SMG6: variants seen among roughly 807,000 people sequenced by gnomAD.
SMG6 encodes telomerase-binding protein EST1A.
Under a neutral mutation model 142.2 loss-of-function variants are expected in SMG6, and 66 were observed. The observed-to-expected ratio is 0.46, with a 90% CI of 0.38 to 0.57. The LOEUF (loss-of-function observed/expected upper bound fraction) is 0.57. Ranked by LOEUF, SMG6 falls within the 20% of genes least tolerant of loss-of-function variation. The pLI is 0.00. For missense variants in SMG6, 1,793 were observed against 1,832.0 expected (o/e 0.98, Z 0.39); for synonymous variants, 779 against 702.4 (o/e 1.11, Z -1.72).
At chr17:2,112,794 G>A (rs1373891867) in intron 13 of SMG6, among the ~76,000 whole-genome samples, 8 of 118,164 alleles carry the variant, frequency 6.8e-5, no homozygotes, top group African/African-American at 2.0e-4. Flanking sequence ...CTCTCACTCC[G>A]CCACCCAGGC....
chr17:2,251,520 T>C (rs968166455), intron 8 of SMG6, among the ~76,000 whole-genome samples: 5 of 152,210 alleles, frequency 3.3e-5, no homozygotes, highest in African/African-American at 7.2e-5. Context: ...TTAAGATGGC[T>C]AGATCTGAGA....
At position 2,065,622 on chromosome 17, in the gene SMG6, C is replaced by T; in HGVS notation, c.3893G>A (p.Gly1298Asp). The change falls in exon 17 of 19, where the codon GGC (glycine) becomes GAC (aspartate). Residue 1298 changes from glycine to aspartate, a missense_variant. Physicochemically the swap from Gly to Asp is moderately conservative, Grantham distance 94. Coordinates refer to ENST00000263073, the MANE Select transcript of SMG6 (RefSeq NM_017575.5). Reference sequence around the variant, plus strand: ...CTTCTCTTGTACCACACGGGCGTAGCCCCCAGCCCGGTGGTCTGTCTCCTG... The same window carrying T: ...CTTCTCTTGTACCACACGGGCGTAGTCCCCAGCCCGGTGGTCTGTCTCCTG... ...KGQETDHRAG[G>D]YARVVQEKAR... The T allele has an allele frequency of 1.9e-6, 3 of 1,613,976 alleles. No individual in the cohort carries two copies. Among genetic ancestry groups the T allele is most frequent in the Non-Finnish European group, 2.5e-6 (3 of 1,180,028 alleles).
At chr17:2,061,686 C>T in intron 18 of SMG6, 64 bp from the exon 19 acceptor site, 2 of 1,523,876 alleles carry the variant, frequency 1.3e-6, no homozygotes, top group Non-Finnish European at 1.8e-6. Context: ...GGCTGCTCTT[C>T]TCACCCTGGA....
intron 1 of SMG6, among the ~76,000 whole-genome samples, chr17:2,301,062 C>T (rs897946149): frequency 4.6e-5 from 7 of 152,186 alleles, no homozygotes. Flanking sequence ...CCTGTGAATC[C>T]ACCTCAGCCT....
chr17:2,192,362 T>C (rs2072190558), intron 10 of SMG6, among the ~76,000 whole-genome samples: 1 of 152,176 alleles, frequency 6.6e-6, no homozygotes, highest in East Asian at 1.9e-4. Context: ...ACACAGCCAG[T>C]TTCCTGGCAA....
chr17:2,279,911 T>C (rs551453204), intron 8 of SMG6, among the ~76,000 whole-genome samples: 1 of 152,258 alleles, frequency 6.6e-6, no homozygotes, highest in South Asian at 2.1e-4. Flanking sequence ...CAGCCTTCCC[T>C]AACCATGACT....
Position 2,297,951 on chromosome 17 carries a change from A to C in SMG6, c.1952T>G (p.Val651Gly), listed in dbSNP as rs762162389. Residue 651 changes from valine (V) to glycine (G), a missense_variant, in exon 3 of 19, where the codon GTG becomes GGG. Transcript: ENST00000263073. Reference protein sequence around the residue: ...QILWKNAFYQVIEKFRQLVKD... With the variant: ...QILWKNAFYQGIEKFRQLVKD... ...GACAAGTTGCCTGAACTTCTCAATC[A>C]CCTGATAGAAAGCATTCTTCCACAG... is the stretch of plus-strand genomic sequence containing the variant. 209 of 1,613,294 alleles carry C rather than the reference A, an allele frequency of 1.3e-4. No homozygotes were observed. Among genetic ancestry groups the C allele is most frequent in the Non-Finnish European group, 1.7e-4 (200 of 1,180,014 alleles).
Position 2,218,541 on chromosome 17 carries a change from G to A in SMG6, c.2869+17951C>T, listed in dbSNP as rs114249711. 8.7e-3 allele frequency among the ~76,000 whole-genome samples: 1,327 copies of A among 152,056 alleles called. 17 individuals carry two copies. The highest frequency in any genetic ancestry group is 0.03 in the African/African-American group (1,238 of 41,480). On this transcript the variant is annotated intron_variant, in intron 10 of 18. Coordinates refer to ENST00000263073, the MANE Select transcript of SMG6 (RefSeq NM_017575.5). Reference sequence around the variant, plus strand: ...AGCCTGAGCGACAGACCGAGACTCCGTCTCAAAAAAAAAGATAACCAAATA... The same window carrying A: ...AGCCTGAGCGACAGACCGAGACTCCATCTCAAAAAAAAAGATAACCAAATA...
At position 2,091,871 on chromosome 17, in the gene SMG6, A is replaced by G. The variant is rs370380005; in HGVS notation, c.3358-5970T>C. Reference sequence around the variant, plus strand: ...GTGTGTGTGTTTTTTTTTAGTAGAGACGAGGTTTCACCGTGTTAGCCAGGA... The same window carrying G: ...GTGTGTGTGTTTTTTTTTAGTAGAGGCGAGGTTTCACCGTGTTAGCCAGGA... On this transcript the variant is annotated intron_variant, in intron 13 of 18. Transcript: ENST00000263073. Among the ~76,000 whole-genome samples, 14 of 149,884 alleles carry G rather than the reference A, an allele frequency of 9.3e-5. No individual in the cohort carries two copies. The East Asian group carries it at 1.6e-3, about 17-fold the overall frequency.
chr17:2,237,653 G>T (rs2073701551), intron 9 of SMG6: 1 of 758,676 alleles, frequency 1.3e-6, no homozygotes, highest in Admixed American at 6.2e-5. Flanking sequence ...TGTAACGCAG[G>T]GAGGCAGAAA....
chr17:2,080,674 A>G (rs1294143547), intron 15 of SMG6, among the ~76,000 whole-genome samples: 1 of 149,460 alleles, frequency 6.7e-6, no homozygotes, highest in Non-Finnish European at 1.5e-5. Context: ...CTCACCCTGT[A>G]GCCCAGGCTG....
At chr17:2,065,374 G>T (rs1362772339) in intron 17 of SMG6, 94 bp downstream of exon 17, 19 of 1,310,422 alleles carry the variant, frequency 1.4e-5, no homozygotes, top group Non-Finnish European at 1.9e-5. Context: ...GCCCTCAGCT[G>T]CCCAGGCTGA....
chr17:2,269,342 G>T (rs924526512), intron 8 of SMG6, among the ~76,000 whole-genome samples: 3 of 151,308 alleles, frequency 2.0e-5, no homozygotes, highest in Non-Finnish European at 4.4e-5. Context: ...AATGAGCCGA[G>T]ATCGTGCCGC....
chr17:2,111,776 T>C (rs1247930212), intron 13 of SMG6, among the ~76,000 whole-genome samples: 2 of 152,142 alleles, frequency 1.3e-5, no homozygotes, highest in Admixed American at 1.3e-4. Flanking sequence ...ATCGAAGGGC[T>C]TGTTAGCTAC....
chr17:2,101,730 C>T (rs1010399191), intron 13 of SMG6: 1 of 152,194 alleles, frequency 6.6e-6, no homozygotes, highest in African/African-American at 2.4e-5. Flanking sequence ...TTTACACGAA[C>T]CAACTCGTGA....
At chr17:2,247,263 G>C (rs1412558156) in intron 8 of SMG6, among the ~76,000 whole-genome samples, 2 of 152,210 alleles carry the variant, frequency 1.3e-5, no homozygotes, top group Non-Finnish European at 2.9e-5. Flanking sequence ...TCTGGGAGAA[G>C]AATATGTGGG....
At chr17:2,234,755 T>C (rs1409841382) in intron 10 of SMG6, among the ~76,000 whole-genome samples, 1 of 151,652 alleles carries the variant, frequency 6.6e-6, no homozygotes, top group African/African-American at 2.4e-5. Flanking sequence ...CTGCCCAGGC[T>C]GCAGTATAGT....
chr17:2,061,886 A>G (rs2067791736), intron 18 of SMG6: 1 of 425,248 alleles, frequency 2.4e-6, no homozygotes, highest in Non-Finnish European at 4.4e-6. Context: ...AAGCTGCCCA[A>G]ACCCGTCAGC....
intron 10 of SMG6, among the ~76,000 whole-genome samples, chr17:2,220,663 T>G (rs931586767): frequency 1.1e-4 from 16 of 152,204 alleles, no homozygotes; most frequent in African/African-American, 3.6e-4. Context: ...ATGATTCAGT[T>G]TATACTAGGT....
Sources: allele counts gnomAD v4.1 joint callset (sites outside exome capture counted in the v4.1 genomes callset), GRCh38; gene constraint gnomAD v4.1.1; transcripts MANE v1.5; gene names NCBI Gene and HGNC (gene_info 2026-07-23, HGNC 2026-07-21).